Variants in FBXL17 observed in about 807,000 individuals in gnomAD.
FBXL17 encodes the protein F-box and leucine rich repeat protein 17.
FBXL17 carries 22 observed loss-of-function variants against 66.2 expected under a neutral mutation model. The observed-to-expected ratio is 0.33, with a 90% CI of 0.24 to 0.47. The LOEUF (loss-of-function observed/expected upper bound fraction) is 0.47, where lower values mean the gene tolerates loss of function less well. Among genes scored for constraint, FBXL17 ranks in the 20% least tolerant of loss-of-function variants. The probability of loss-of-function intolerance (pLI) is 1.00; values close to 1 mark genes in which losing one functional copy is unlikely to be tolerated. For synonymous variants in FBXL17, 474 were observed against 400.5 expected, an observed-to-expected ratio of 1.18 and a Z score of -2.19; for missense variants, 878 against 948.2, an observed-to-expected ratio of 0.93 and a Z score of 0.97.
chr5:108,017,163 A>G (rs1244939361), intron 7 of FBXL17, among the ~76,000 whole-genome samples: 1 of 152,204 alleles, frequency 6.6e-6, no homozygotes, highest in Non-Finnish European at 1.5e-5. Context: ...AGGAACAAAG[A>G]AAAGCACAAG....
chr5:107,883,033 T>C (rs935126863), intron 7 of FBXL17, among the ~76,000 whole-genome samples: 1 of 152,230 alleles, frequency 6.6e-6, no homozygotes, highest in African/African-American at 2.4e-5. Context: ...CTTACTACTA[T>C]TTACTGAAGT....
At chr5:108,108,965 G>C (rs1040768363) in intron 6 of FBXL17, among the ~76,000 whole-genome samples, 2 of 151,786 alleles carry the variant, frequency 1.3e-5, no homozygotes, top group Non-Finnish European at 1.5e-5. Context: ...ATATTTTTTA[G>C]TACAGATGGG....
intron 6 of FBXL17, among the ~76,000 whole-genome samples, chr5:108,168,292 A>T (rs1752483540): frequency 6.6e-6 from 1 of 152,198 alleles, no homozygotes; most frequent in African/African-American, 2.4e-5. Context: ...AAATTTAAAA[A>T]AGAGAGGGGA....
chr5:108,224,191 C>G lies in FBXL17; in HGVS notation c.1544G>C (p.Cys515Ser), dbSNP rs1279953678. ...DQSVKAFAEHCPELQYVGFMG... is the reference protein window; with the variant it reads ...DQSVKAFAEHSPELQYVGFMG... ...GAAGCCTACATATTGAAGCTCAGGA[C>G]AGTGTTCAGCAAATGCTTTCACTGA... Residue 515 changes from cysteine to serine, a missense_variant, in exon 5 of 9, where the codon TGT becomes TCT. Physicochemically the swap from Cys to Ser is moderately radical, Grantham distance 112. Transcript: ENST00000542267. The G allele has an allele frequency of 6.2e-7, 1 of 1,610,730 alleles. No homozygotes were observed. Among genetic ancestry groups the G allele is most frequent in the South Asian group, 1.1e-5 (1 of 90,416 alleles).
At chr5:107,926,330 G>A (rs1750523000) in intron 7 of FBXL17, among the ~76,000 whole-genome samples, 1 of 152,126 alleles carries the variant, frequency 6.6e-6, no homozygotes, top group Admixed American at 6.6e-5. Flanking sequence ...GGAGGGAGGA[G>A]TGCATTGACA....
intron 7 of FBXL17, among the ~76,000 whole-genome samples, chr5:107,919,726 C>T (rs981235058): frequency 3.3e-5 from 5 of 152,134 alleles, no homozygotes; most frequent in Admixed American, 3.3e-4. Flanking sequence ...TTACAGAGTC[C>T]TCTTCTCAAT....
chr5:108,110,886 A>G (rs1750007272), intron 6 of FBXL17, among the ~76,000 whole-genome samples: 1 of 152,184 alleles, frequency 6.6e-6, no homozygotes, highest in South Asian at 2.1e-4. Flanking sequence ...CCTTCTAAAG[A>G]GTGGTTAAAC....
At chr5:108,264,433 C>A (rs115480689) in intron 4 of FBXL17, among the ~76,000 whole-genome samples, 2,382 of 151,340 alleles carry the variant, frequency 0.016, 58 homozygotes, top group African/African-American at 0.055. Context: ...TTTAAACTGG[C>A]CAAAAAAGAG....
intron 5 of FBXL17, among the ~76,000 whole-genome samples, chr5:108,216,554 G>C (rs1754606700): frequency 6.6e-6 from 1 of 151,782 alleles, no homozygotes; most frequent in Non-Finnish European, 1.5e-5. Context: ...GACAAAATTT[G>C]TATATATTTA....
chr5:108,248,331 T>G (rs1473648444), intron 4 of FBXL17, among the ~76,000 whole-genome samples: 1 of 152,116 alleles, frequency 6.6e-6, no homozygotes, highest in Non-Finnish European at 1.5e-5. Flanking sequence ...AGTCATTGGA[T>G]GATCTCAACA....
At position 108,090,819 on chromosome 5, in the gene FBXL17, C is replaced by T. The variant is rs12656702; in HGVS notation, c.1746-69818G>A. Among the ~76,000 whole-genome samples the T allele has an allele frequency of 7.8e-4, 119 of 152,202 alleles. 2 individuals carry two copies. In the East Asian group the frequency reaches 0.022, roughly 28 times the overall value. On this transcript the variant is annotated intron_variant, in intron 6 of 8. Transcript: ENST00000542267. The stretch of plus-strand genomic sequence containing the variant: ...TGACCCTCTATCTCACAAGACTTAC[C>T]GGGGTTTCTCAGAGCACATACCTTG...
At chr5:108,044,366 GTCTT>G (rs1747168700) in intron 6 of FBXL17, among the ~76,000 whole-genome samples, 1 of 152,066 alleles carries the variant, frequency 6.6e-6, no homozygotes, top group African/African-American at 2.4e-5. Context: ...GTCTGTTTCT[GTCTT>G]TCTGCAAGTA....
chr5:108,376,487 C>T (rs1437898442), intron 1 of FBXL17, among the ~76,000 whole-genome samples: 1 of 152,206 alleles, frequency 6.6e-6, no homozygotes, highest in South Asian at 2.1e-4. Flanking sequence ...TTTATAATAG[C>T]ATCAAAAAGA....
intron 6 of FBXL17, among the ~76,000 whole-genome samples, chr5:108,181,077 A>G (rs1409634782): frequency 6.6e-6 from 1 of 152,236 alleles, no homozygotes; most frequent in Non-Finnish European, 1.5e-5. Flanking sequence ...AAGAACCATT[A>G]TAAGTATATT....
intron 6 of FBXL17, among the ~76,000 whole-genome samples, chr5:108,181,972 T>C (rs1753021510): frequency 6.6e-6 from 1 of 152,112 alleles, no homozygotes; most frequent in Admixed American, 6.6e-5. Context: ...ATAGAAATAG[T>C]ATGACCTTCC....
Position 108,303,079 on chromosome 5 carries a change from A to G in FBXL17, c.1506+45320T>C, listed in dbSNP as rs570915868. On this transcript the variant is annotated intron_variant, in intron 4 of 8. Coordinates refer to ENST00000542267, the MANE Select transcript of FBXL17 (RefSeq NM_001163315.3). ...TTTGTGTTCACAACAAACATTACAA[A>G]ATGCTTAACTTTTAATATACTCTTC... Among the ~76,000 whole-genome samples, 5 of 151,874 alleles carry G rather than the reference A, an allele frequency of 3.3e-5. No individual in the cohort carries two copies. The South Asian group carries it at 8.3e-4, about 25-fold the overall frequency.
chr5:107,931,049 T>G (rs1750716803), intron 7 of FBXL17, among the ~76,000 whole-genome samples: 1 of 152,130 alleles, frequency 6.6e-6, no homozygotes, highest in Non-Finnish European at 1.5e-5. Context: ...CTATCACTTT[T>G]GGTTGTGCTG....
intron 4 of FBXL17, among the ~76,000 whole-genome samples, chr5:108,323,698 T>C (rs1334539832): frequency 1.3e-5 from 2 of 151,954 alleles, no homozygotes; most frequent in Non-Finnish European, 2.9e-5. Flanking sequence ...CCAAAACTTA[T>C]CACAAAGCTA....
chr5:108,343,445 A>G (rs1262933890), intron 4 of FBXL17, among the ~76,000 whole-genome samples: 1 of 152,140 alleles, frequency 6.6e-6, no homozygotes, highest in East Asian at 1.9e-4. Context: ...AAAAATGTAA[A>G]TTATTTATGT....
Sources: gnomAD v4.1 joint callset for allele counts (sites outside exome capture counted in the v4.1 genomes callset) on GRCh38, gnomAD v4.1.1 for gene constraint, MANE v1.5 for transcripts, NCBI Gene and HGNC (gene_info 2026-07-23, HGNC 2026-07-21) for gene names.